Variants in OTOG observed in about 807,000 individuals in gnomAD.
OTOG encodes otogelin.
In OTOG, 296 loss-of-function variants were observed where a neutral mutation model predicts 313.8. The ratio of observed to expected loss-of-function variants is 0.94; its 90% confidence interval spans 0.86 to 1.04. OTOG has a LOEUF of 1.04. Among genes scored for constraint, OTOG ranks in the 50% least tolerant of loss-of-function variants. The pLI is 0.00. For synonymous variants in OTOG, 1,533 were observed against 1,554.9 expected, an observed-to-expected ratio of 0.99 and a Z score of 0.33; for missense variants, 3,948 against 3,840.1, an observed-to-expected ratio of 1.03 and a Z score of -0.74.
At position 17,611,411 on chromosome 11, in the gene OTOG, C is replaced by T; in HGVS notation, c.6111C>T (p.Ser2037=). 6.6e-7 allele frequency: 1 copy of T among 1,526,336 alleles called. No homozygotes were observed. The highest frequency in any genetic ancestry group is 8.8e-7 in the Non-Finnish European group (1 of 1,131,150). The allele number at this position is 1,526,336 out of a possible 1,614,324, so 94.5% of individuals were successfully genotyped here. ...ALATTTEANT[S]TTCVPIAEQD... ...CAACTACCACTGAGGCCAATACATC[C>T]ACCACCTGTGTTGTGAGTGATTTGC... Residue 2037 remains serine (S), a synonymous_variant, in exon 36 of 56, where the codon TCC becomes TCT. Coordinates refer to ENST00000399397, the MANE Select transcript of OTOG (RefSeq NM_001292063.2).
intron 22 of OTOG, 110 bp downstream of exon 22, chr11:17,577,021 ACATTGGGCCTTC>A: frequency 9.0e-7 from 1 of 1,112,034 alleles, no homozygotes; most frequent in East Asian, 2.6e-5. Context: ...GTTTTGCCCT[ACATTGGGCCTTC>A]CGTATTCCTT....
chr11:17,592,011 T>G (rs1264420314), intron 25 of OTOG, among the ~76,000 whole-genome samples: 1 of 152,216 alleles, frequency 6.6e-6, no homozygotes, highest in Non-Finnish European at 1.5e-5. Context: ...TTAGGTAACT[T>G]GCCCAAGGTC....
chr11:17,639,324 G>A lies in OTOG; in HGVS notation c.7895-99G>A. On this transcript the variant is annotated intron_variant, in intron 48 of 55. Transcript: ENST00000399397. ...GGCCTGGCCTGGAGCTGGGTCTTCA[G>A]AAGACGGGTTGTGCCAGCAGTGAGA... 5 of 1,324,516 alleles carry A rather than the reference G, an allele frequency of 3.8e-6. No individual in the cohort carries two copies. The South Asian group carries it at 5.1e-5, about 13-fold the overall frequency. 82.0% of individuals were successfully genotyped at this position (1,324,516 alleles called of 1,614,324 possible).
At chr11:17,642,303 G>T in intron 53 of OTOG, 57 bp downstream of exon 53, 1 of 1,505,256 alleles carries the variant, frequency 6.6e-7, no homozygotes, top group Non-Finnish European at 8.9e-7. Flanking sequence ...TGTCTCACTG[G>T]TGGTGGGGTG....
chr11:17,615,629 C>A (rs910565570), intron 39 of OTOG, among the ~76,000 whole-genome samples: 2 of 152,138 alleles, frequency 1.3e-5, no homozygotes, highest in South Asian at 2.1e-4. Context: ...TGTCTTTGAA[C>A]CTTTATTTAA....
At chr11:17,612,548 G>A in intron 37 of OTOG, 72 bp from the exon 38 acceptor site, 1 of 1,486,568 alleles carries the variant, frequency 6.7e-7, no homozygotes, top group East Asian at 2.5e-5. Flanking sequence ...CCAGGAACCT[G>A]CCCCATCTTC....
rs1853446198 is a variant in OTOG at position 17,608,518 on chromosome 11, G to A, written c.4274+105G>A. The stretch of plus-strand genomic sequence containing the variant: ...AGTGTTTCATATGTTGAGTGTATGG[G>A]GATGTGTGTACCACGGTAACTGTGT... On this transcript the variant is annotated intron_variant, in intron 34 of 55. Coordinates refer to ENST00000399397, the MANE Select transcript of OTOG (RefSeq NM_001292063.2). 8 of 753,606 alleles carry A rather than the reference G, an allele frequency of 1.1e-5. No individual in the cohort carries two copies. The East Asian group carries it at 1.8e-4, about 17-fold the overall frequency. 46.7% of individuals were successfully genotyped at this position (753,606 alleles called of 1,614,324 possible).
chr11:17,549,658 G>A (rs1205262206), intron 3 of OTOG, among the ~76,000 whole-genome samples: 3 of 152,176 alleles, frequency 2.0e-5, no homozygotes, highest in African/African-American at 7.2e-5. Context: ...TGTTTTAGTG[G>A]GGGAGATGAC....
At chr11:17,644,019 A>G (rs1199246865) in intron 54 of OTOG, among the ~76,000 whole-genome samples, 1 of 152,152 alleles carries the variant, frequency 6.6e-6, no homozygotes, top group Non-Finnish European at 1.5e-5. Context: ...AGGCAGCCGC[A>G]TTGCTATGTC....
intron 13 of OTOG, 48 bp downstream of exon 13, chr11:17,560,865 G>A: frequency 6.8e-7 from 1 of 1,472,146 alleles, no homozygotes. Flanking sequence ...GGCCGCTGAG[G>A]CTTTCCACGA....
At chr11:17,613,203 C>CTTTCT (rs1853621027) in intron 38 of OTOG, among the ~76,000 whole-genome samples, 1 of 87,650 alleles carries the variant, frequency 1.1e-5, no homozygotes, top group Non-Finnish European at 2.2e-5. Flanking sequence ...TCTTTTCTTT[C>CTTTCT]TTTCTTTCTT....
At chr11:17,578,977 A>AG (rs1852603278) in intron 23 of OTOG, among the ~76,000 whole-genome samples, 1 of 152,232 alleles carries the variant, frequency 6.6e-6, no homozygotes, top group Non-Finnish European at 1.5e-5. Context: ...TATTAAAAAA[A>AG]GAAGACCCCA....
intron 24 of OTOG, 122 bp from the exon 25 acceptor site, chr11:17,591,328 T>G: frequency 7.5e-7 from 1 of 1,335,276 alleles, no homozygotes. Context: ...GAGGTTGGTG[T>G]TTGTTGACCT....
chr11:17,553,288 C>T (rs959584696), intron 5 of OTOG, 77 bp downstream of exon 5: 5 of 1,522,088 alleles, frequency 3.3e-6, no homozygotes, highest in African/African-American at 1.4e-5. Flanking sequence ...AGCAGCACTT[C>T]CAGGGCTGGA....
chr11:17,622,339 C>A (rs1853885340), intron 39 of OTOG, among the ~76,000 whole-genome samples: 3 of 151,822 alleles, frequency 2.0e-5, no homozygotes, highest in Admixed American at 2.0e-4. Flanking sequence ...AATGGGATAT[C>A]CCTCCCCTCA....
intron 25 of OTOG, 84 bp from the exon 26 acceptor site, chr11:17,593,109 G>A (rs899520329): frequency 1.5e-6 from 2 of 1,358,028 alleles, no homozygotes; most frequent in Non-Finnish European, 2.0e-6. Context: ...AGCCACTCCA[G>A]AGAGCGTGTT....
chr11:17,631,949 G>T (rs1565126441), intron 41 of OTOG, 27 bp downstream of exon 41: 1 of 1,547,572 alleles, frequency 6.5e-7, no homozygotes, highest in Admixed American at 2.0e-5. Flanking sequence ...TCCAGCACTG[G>T]GGACACCTCC....
chr11:17,626,049 G>A (rs1853976970), intron 39 of OTOG, among the ~76,000 whole-genome samples: 2 of 152,174 alleles, frequency 1.3e-5, no homozygotes, highest in African/African-American at 4.8e-5. Context: ...ACCACTTATT[G>A]AAAAGACTGT....
intron 39 of OTOG, among the ~76,000 whole-genome samples, chr11:17,620,458 T>A: frequency 6.6e-6 from 1 of 152,232 alleles, no homozygotes; most frequent in Non-Finnish European, 1.5e-5. Context: ...TTCCATTGTA[T>A]GTATATACCA....
Sources: gnomAD v4.1 joint callset for allele counts (sites outside exome capture counted in the v4.1 genomes callset) on GRCh38, gnomAD v4.1.1 for gene constraint, MANE v1.5 for transcripts, NCBI Gene and HGNC (gene_info 2026-07-23, HGNC 2026-07-21) for gene names.